STK38: variants seen among roughly 807,000 people sequenced by gnomAD.
STK38 encodes the protein serine/threonine-protein kinase 38.
Under a neutral mutation model 59.0 loss-of-function variants are expected in STK38, and 26 were observed. The observed-to-expected ratio is 0.44, with a 90% CI of 0.32 to 0.61. The LOEUF is 0.61. STK38 is among the 20% of genes least tolerant of loss of function. The probability of loss-of-function intolerance (pLI) is 0.04; values close to 1 mark genes in which losing one functional copy is unlikely to be tolerated. For missense variants in STK38, 433 were observed against 566.0 expected (o/e 0.76, Z 2.38); for synonymous variants, 175 against 176.6 (o/e 0.99, Z 0.07).
chr6:36,514,311 C>CAA (rs56658213), intron 7 of STK38, among the ~76,000 whole-genome samples: 3,064 of 121,096 alleles, frequency 0.025, 87 homozygotes, highest in African/African-American at 0.071. Flanking sequence ...GAGACCGTCT[C>CAA]AAAAAAAAAA....
At chr6:36,532,026 T>C (rs1777676791) in intron 2 of STK38, among the ~76,000 whole-genome samples, 1 of 152,230 alleles carries the variant, frequency 6.6e-6, no homozygotes, top group African/African-American at 2.4e-5. Flanking sequence ...CAAAATTTAC[T>C]AGCCCAATAC....
chr6:36,506,647 G>C lies in STK38; in HGVS notation c.773-3C>G. The stretch of plus-strand genomic sequence containing the variant: ...TTTGGAATTCATGTTCTGGAAAGCT[G>C]AAAGTAAAGAATACAAGCTGCAGTC... On this transcript the variant is annotated splice_region_variant and splice_polypyrimidine_tract_variant and intron_variant, in intron 8 of 13. Transcript: ENST00000229812. 6.2e-7 allele frequency: 1 copy of C among 1,612,346 alleles called. No homozygotes were observed. The highest frequency in any genetic ancestry group is 8.5e-7 in the Non-Finnish European group (1 of 1,179,586).
Position 36,497,805 on chromosome 6 carries a change from C to CA in STK38, c.1146dup (p.Glu383Ter). ...CTGATATGTTCCCAGTCAACGCCTT[C>CA]AAAAAAAGAGTTACTTTTTATTTCC... On this transcript the variant is annotated frameshift_variant, in exon 12 of 14. Coordinates refer to ENST00000229812, the MANE Select transcript of STK38 (RefSeq NM_007271.4). LOFTEE classifies it high-confidence loss of function. 1.9e-6 allele frequency: 3 copies of CA among 1,612,972 alleles called. No homozygotes were observed. The highest frequency in any genetic ancestry group is 2.5e-6 in the Non-Finnish European group (3 of 1,179,636).
At chr6:36,524,293 T>C (rs781190343) in intron 4 of STK38, 48 bp downstream of exon 4, 1 of 1,583,140 alleles carries the variant, frequency 6.3e-7, no homozygotes, top group Non-Finnish European at 8.6e-7. Context: ...TTAGAAGCTT[T>C]GAAGTTTTGC....
chr6:36,514,209 A>C (rs1163818311), intron 7 of STK38, among the ~76,000 whole-genome samples: 1 of 150,900 alleles, frequency 6.6e-6, no homozygotes, highest in African/African-American at 2.4e-5. Context: ...CCAACTACTC[A>C]GGAGGCTGAG....
intron 5 of STK38, among the ~76,000 whole-genome samples, chr6:36,520,398 TAA>T (rs1777350984): frequency 6.6e-6 from 1 of 152,178 alleles, no homozygotes; most frequent in African/African-American, 2.4e-5. Context: ...CTGGTATACA[TAA>T]AATTACTAAC....
chr6:36,540,775 C>A (rs1047355899), intron 1 of STK38, among the ~76,000 whole-genome samples: 1 of 152,044 alleles, frequency 6.6e-6, no homozygotes, highest in Non-Finnish European at 1.5e-5. Context: ...TACAGGCATG[C>A]GCCACCACAC....
intron 2 of STK38, among the ~76,000 whole-genome samples, chr6:36,538,911 A>AC (rs1777863485): frequency 6.6e-6 from 1 of 151,128 alleles, no homozygotes; most frequent in South Asian, 2.1e-4. Context: ...AAAAAAAAAA[A>AC]AGGAAATTAA....
At chr6:36,505,457 C>T (rs1476611128) in intron 9 of STK38, among the ~76,000 whole-genome samples, 3 of 152,154 alleles carry the variant, frequency 2.0e-5, no homozygotes, top group Non-Finnish European at 2.9e-5. Context: ...TAAATCAAAA[C>T]GAATGCAAGG....
chr6:36,505,160 C>T (rs754020123), intron 9 of STK38, among the ~76,000 whole-genome samples: 6 of 152,146 alleles, frequency 3.9e-5, no homozygotes, highest in Admixed American at 2.6e-4. Context: ...GTGGGTGGAA[C>T]CTGGACATCA....
chr6:36,534,375 G>A (rs1366571404), intron 2 of STK38, among the ~76,000 whole-genome samples: 2 of 152,176 alleles, frequency 1.3e-5, no homozygotes, highest in Non-Finnish European at 2.9e-5. Flanking sequence ...TAGGCTGAGT[G>A]CAGTGGCTCA....
chr6:36,505,203 G>A (rs1776936468), intron 9 of STK38, among the ~76,000 whole-genome samples: 2 of 152,138 alleles, frequency 1.3e-5, no homozygotes, highest in South Asian at 2.1e-4. Flanking sequence ...TGATTTTGTT[G>A]TGCAACCAAG....
chr6:36,513,920 C>T (rs1777178491), intron 7 of STK38, among the ~76,000 whole-genome samples: 1 of 148,670 alleles, frequency 6.7e-6, no homozygotes, highest in African/African-American at 2.5e-5. Flanking sequence ...CTTTGGGAGG[C>T]CAAGGCGGGC....
intron 2 of STK38, among the ~76,000 whole-genome samples, chr6:36,537,416 A>C (rs1232146611): frequency 1.3e-5 from 2 of 152,210 alleles, no homozygotes; most frequent in African/African-American, 4.8e-5. Flanking sequence ...CTGAGAACTG[A>C]AAACAAATGT....
rs1173100761 is a variant in STK38 at position 36,507,610 on chromosome 6, G to A, written c.670-8C>T. The A allele has an allele frequency of 1.2e-6, 2 of 1,607,140 alleles. No homozygotes were observed. Among genetic ancestry groups the A allele is most frequent in the Non-Finnish European group, 1.7e-6 (2 of 1,173,984 alleles). ...AGAAAGTTTCACATGGCCCTATGGGGAAGAAACAAGGTGATAGATGGATGA... is the reference window on the plus strand; with the variant it reads ...AGAAAGTTTCACATGGCCCTATGGGAAAGAAACAAGGTGATAGATGGATGA... On this transcript the variant is annotated splice_polypyrimidine_tract_variant and splice_region_variant and intron_variant, in intron 7 of 13. Coordinates refer to ENST00000229812, the MANE Select transcript of STK38 (RefSeq NM_007271.4).
At position 36,498,444 on chromosome 6, in the gene STK38, T is replaced by C; in HGVS notation, c.995A>G (p.Lys332Arg). The change falls in exon 11 of 14, where the codon AAG (lysine) becomes AGG (arginine). Residue 332 changes from lysine (K) to arginine (R), a missense_variant. Transcript: ENST00000229812. ...AGTTTCTTTCCAGTTCATCACCTTCTTATATGTCTCTTGAGGGGTCTCAGA... is the reference window on the plus strand; with the variant it reads ...AGTTTCTTTCCAGTTCATCACCTTCCTATATGTCTCTTGAGGGGTCTCAGA... ...FCSETPQETY[K>R]KVMNWKETLT... 6.2e-7 allele frequency: 1 copy of C among 1,613,976 alleles called. No individual in the cohort carries two copies. Among genetic ancestry groups the C allele is most frequent in the East Asian group, 2.2e-5 (1 of 44,874 alleles).
At chr6:36,512,911 T>C (rs1582422782) in intron 7 of STK38, among the ~76,000 whole-genome samples, 1 of 152,324 alleles carries the variant, frequency 6.6e-6, no homozygotes, top group East Asian at 1.9e-4. Flanking sequence ...CCACCTGCCT[T>C]GGCCTACCAA....
At chr6:36,538,298 CGTCTCAAAAAA>C (rs1777847155) in intron 2 of STK38, among the ~76,000 whole-genome samples, 1 of 149,678 alleles carries the variant, frequency 6.7e-6, no homozygotes, top group Non-Finnish European at 1.5e-5. Context: ...AGTGAGACTC[CGTCTCAAAAAA>C]AGAAAAAAAG....
rs1776992524 is a variant in STK38 at position 36,507,381 on chromosome 6, T to C, written c.772+119A>G. ...TCACAGGCAAACCTGGGAAGGTATTTTTATTCTCTACATACTCAAAGTGTG... is the reference window on the plus strand; with the variant it reads ...TCACAGGCAAACCTGGGAAGGTATTCTTATTCTCTACATACTCAAAGTGTG... On this transcript the variant is annotated intron_variant, in intron 8 of 13. Transcript: ENST00000229812. 3 of 853,220 alleles carry C rather than the reference T, an allele frequency of 3.5e-6. No homozygotes were observed. In the African/African-American group the frequency reaches 5.1e-5, roughly 15 times the overall value. 52.9% of individuals were successfully genotyped at this position (853,220 alleles called of 1,614,324 possible). A position where few individuals can be genotyped will look rare whatever the true frequency, so the allele number is the denominator to read the frequency against.
Sources: gnomAD v4.1 joint callset for allele counts (sites outside exome capture counted in the v4.1 genomes callset) on GRCh38, gnomAD v4.1.1 for gene constraint, MANE v1.5 for transcripts, NCBI Gene and HGNC (gene_info 2026-07-23, HGNC 2026-07-21) for gene names.